IQGAP2: variants seen among roughly 807,000 people sequenced by gnomAD.
IQGAP2 encodes IQ motif containing GTPase activating protein 2, also known as ras GTPase-activating-like protein IQGAP2.
A neutral mutation model predicts 201.3 loss-of-function variants in IQGAP2; 173 were observed. The observed-to-expected ratio is 0.86, with a 90% confidence interval of 0.76 to 0.98. The LOEUF is 0.98. Ranked by LOEUF, IQGAP2 falls within the 50% of genes least tolerant of loss-of-function variation. The pLI is 0.00. For synonymous variants in IQGAP2, 675 were observed against 673.9 expected, an observed-to-expected ratio of 1.00 and a Z score of -0.03; for missense variants, 1,687 against 1,864.8, an observed-to-expected ratio of 0.90 and a Z score of 1.76.
intron 1 of IQGAP2, among the ~76,000 whole-genome samples, chr5:76,431,800 C>A (rs572562118): frequency 1.4e-5 from 2 of 140,434 alleles, no homozygotes; most frequent in South Asian, 2.3e-4. Flanking sequence ...TCCAGCCTGG[C>A]GACAGAGACT....
chr5:76,653,319 T>G (rs934566448), intron 18 of IQGAP2, among the ~76,000 whole-genome samples: 2 of 152,238 alleles, frequency 1.3e-5, no homozygotes, highest in Non-Finnish European at 2.9e-5. Context: ...GGTACTGTGA[T>G]GTCCACTCTC....
intron 20 of IQGAP2, among the ~76,000 whole-genome samples, chr5:76,655,455 G>C (rs1328475570): frequency 6.6e-6 from 1 of 151,584 alleles, no homozygotes; most frequent in Non-Finnish European, 1.5e-5. Context: ...ATTTTTGTTT[G>C]TTTTTGTTTT....
At chr5:76,440,584 T>C (rs1752969983) in intron 1 of IQGAP2, among the ~76,000 whole-genome samples, 1 of 152,196 alleles carries the variant, frequency 6.6e-6, no homozygotes, top group Non-Finnish European at 1.5e-5. Context: ...CTTACTCATG[T>C]TACCTGTGTC....
chr5:76,476,490 T>C (rs1755438119), intron 2 of IQGAP2, among the ~76,000 whole-genome samples: 1 of 152,112 alleles, frequency 6.6e-6, no homozygotes, highest in African/African-American at 2.4e-5. Flanking sequence ...CAGCTTTTCA[T>C]TAGACAAGTA....
intron 1 of IQGAP2, among the ~76,000 whole-genome samples, chr5:76,443,337 T>A (rs1334994324): frequency 6.6e-6 from 1 of 152,178 alleles, no homozygotes; most frequent in Non-Finnish European, 1.5e-5. Context: ...TCTCATTTTA[T>A]GTATGTGAGA....
chr5:76,454,669 C>A (rs1394076967), intron 1 of IQGAP2, among the ~76,000 whole-genome samples: 1 of 145,316 alleles, frequency 6.9e-6, no homozygotes, highest in African/African-American at 2.6e-5. Flanking sequence ...ATATGTGCCA[C>A]ATTTTCTTAA....
chr5:76,678,036 A>G (rs550382224), intron 28 of IQGAP2, among the ~76,000 whole-genome samples: 2 of 152,210 alleles, frequency 1.3e-5, no homozygotes, highest in Admixed American at 1.3e-4. Flanking sequence ...AAGCTATGCT[A>G]TGTAGACCTA....
chr5:76,565,241 C>T (rs1293572065), intron 3 of IQGAP2, among the ~76,000 whole-genome samples: 1 of 152,188 alleles, frequency 6.6e-6, no homozygotes, highest in Non-Finnish European at 1.5e-5. Flanking sequence ...CGCTCAATAA[C>T]CCAGCCCCAG....
At chr5:76,692,151 T>C (rs1471950817) in intron 30 of IQGAP2, among the ~76,000 whole-genome samples, 1 of 152,244 alleles carries the variant, frequency 6.6e-6, no homozygotes, top group Non-Finnish European at 1.5e-5. Context: ...TTTCTATCTA[T>C]CTATCTAGAT....
intron 17 of IQGAP2, among the ~76,000 whole-genome samples, chr5:76,647,032 T>A (rs1752097471): frequency 2.0e-5 from 3 of 152,202 alleles, no homozygotes; most frequent in South Asian, 2.1e-4. Context: ...GATTTTTTTT[T>A]AAATCTTTAA....
chr5:76,623,654 T>C, intron 13 of IQGAP2, among the ~76,000 whole-genome samples: 1 of 152,250 alleles, frequency 6.6e-6, no homozygotes, highest in East Asian at 1.9e-4. Context: ...TCATTTCTTA[T>C]CCGTTTTAAA....
At position 76,505,217 on chromosome 5, in the gene IQGAP2, T is replaced by C. The variant is rs116216363; in HGVS notation, c.146+43548T>C. 4.4e-3 allele frequency among the ~76,000 whole-genome samples: 670 copies of C among 152,268 alleles called. 4 individuals are homozygous for C. Among genetic ancestry groups the C allele is most frequent in the African/African-American group, 0.015 (625 of 41,536 alleles). On this transcript the variant is annotated intron_variant, in intron 2 of 35. Transcript: ENST00000274364. ...TCACCAGGTGAGCATTTGACAGATA[T>C]TTGTCTAGTGAAGGAATGAGCGGAT... is the stretch of plus-strand genomic sequence containing the variant.
At chr5:76,415,442 C>G (rs1440353802) in intron 1 of IQGAP2, among the ~76,000 whole-genome samples, 1 of 152,192 alleles carries the variant, frequency 6.6e-6, no homozygotes, top group East Asian at 1.9e-4. Context: ...TTGTAAGTTA[C>G]CCTTTGCTGC....
chr5:76,654,721 TC>T (rs1429822690), intron 19 of IQGAP2, among the ~76,000 whole-genome samples: 11 of 152,208 alleles, frequency 7.2e-5, no homozygotes, highest in Non-Finnish European at 1.0e-4. Flanking sequence ...TCTAGGCAGT[TC>T]CCCTACAGTC....
intron 11 of IQGAP2, among the ~76,000 whole-genome samples, chr5:76,602,810 A>G (rs1321017921): frequency 2.0e-5 from 3 of 152,090 alleles, no homozygotes; most frequent in Non-Finnish European, 2.9e-5. Flanking sequence ...GCCTCTCCCC[A>G]TAGAGTGCAG....
At chr5:76,612,240 C>T (rs1403349880) in intron 13 of IQGAP2, among the ~76,000 whole-genome samples, 4 of 152,064 alleles carry the variant, frequency 2.6e-5, no homozygotes, top group Admixed American at 6.5e-5. Context: ...CCCAGCATTT[C>T]GGGAGGCCAA....
chr5:76,480,308 C>G (rs1755696751), intron 2 of IQGAP2, among the ~76,000 whole-genome samples: 1 of 151,922 alleles, frequency 6.6e-6, no homozygotes, highest in Non-Finnish European at 1.5e-5. Flanking sequence ...GAGAGGAGGT[C>G]CTCTTCTCTC....
At chr5:76,673,893 T>A (rs1342987461) in intron 25 of IQGAP2, 59 bp from the exon 26 acceptor site, 1 of 1,028,482 alleles carries the variant, frequency 9.7e-7, no homozygotes, top group African/African-American at 1.6e-5. Context: ...TTGCTGTGTG[T>A]TTTTTCCTCA....
At chr5:76,542,242 T>C (rs1237269050) in intron 2 of IQGAP2, among the ~76,000 whole-genome samples, 1 of 152,238 alleles carries the variant, frequency 6.6e-6, no homozygotes, top group Non-Finnish European at 1.5e-5. Context: ...ATTACAGGCA[T>C]GGGCCACTGT....
Sources: gnomAD v4.1 joint callset for allele counts (sites outside exome capture counted in the v4.1 genomes callset) on GRCh38, gnomAD v4.1.1 for gene constraint, MANE v1.5 for transcripts, NCBI Gene and HGNC (gene_info 2026-07-23, HGNC 2026-07-21) for gene names.